The following CDK15 variants were observed in gnomAD, a reference collection of about 807,000 sequenced individuals.
The protein encoded by CDK15 is cyclin dependent kinase 15.
A neutral mutation model predicts 60.3 loss-of-function variants in CDK15; 62 were observed. That is an observed-to-expected ratio of 1.03 (90% confidence interval 0.84 to 1.27). The LOEUF is 1.27. Among genes scored for constraint, CDK15 ranks in the 50% most tolerant of loss-of-function variants. The probability of loss-of-function intolerance (pLI) is 0.00; values close to 1 mark genes in which losing one functional copy is unlikely to be tolerated. For synonymous variants in CDK15, 194 were observed against 195.7 expected (o/e 0.99, Z 0.07); for missense variants, 541 against 527.8 (o/e 1.03, Z -0.25).
chr2:201,848,279 C>T (rs898997377), intron 9 of CDK15, among the ~76,000 whole-genome samples: 28 of 152,064 alleles, frequency 1.8e-4, no homozygotes, highest in African/African-American at 5.8e-4. Flanking sequence ...TTATCCCTAC[C>T]GCAGTTGCCT....
intron 12 of CDK15, among the ~76,000 whole-genome samples, chr2:201,883,896 C>G (rs1001532007): frequency 3.3e-5 from 5 of 152,194 alleles, no homozygotes; most frequent in Non-Finnish European, 7.3e-5. Context: ...TCTCTTTGCC[C>G]TCAGCATGAA....
At chr2:201,809,628 A>G (rs929382811) in intron 3 of CDK15, among the ~76,000 whole-genome samples, 20 of 152,200 alleles carry the variant, frequency 1.3e-4, no homozygotes, top group African/African-American at 4.6e-4. Flanking sequence ...AATTATTGAC[A>G]TCTTTGCATT....
intron 9 of CDK15, chr2:201,854,660 G>T: frequency 1.8e-6 from 1 of 553,502 alleles, no homozygotes. Flanking sequence ...GCAGGCCCCG[G>T]ACCATAGGAA....
chr2:201,824,495 C>T (rs1276043022), intron 6 of CDK15: 2 of 206,472 alleles, frequency 9.7e-6, no homozygotes, highest in Non-Finnish European at 2.0e-5. Flanking sequence ...GATATATGAA[C>T]TTAAATAGGC....
At chr2:201,819,627 C>A (rs1696136694) in intron 4 of CDK15, among the ~76,000 whole-genome samples, 1 of 152,112 alleles carries the variant, frequency 6.6e-6, no homozygotes, top group African/African-American at 2.4e-5. Flanking sequence ...AATAATTCAG[C>A]CAACATATGA....
intron 10 of CDK15, among the ~76,000 whole-genome samples, chr2:201,867,059 T>G (rs1478857398): frequency 6.6e-6 from 1 of 152,184 alleles, no homozygotes; most frequent in Non-Finnish European, 1.5e-5. Context: ...TCTGGCAGAA[T>G]TTACGAGAAC....
intron 10 of CDK15, among the ~76,000 whole-genome samples, chr2:201,860,415 C>T (rs1306205879): frequency 6.6e-6 from 1 of 152,208 alleles, no homozygotes; most frequent in East Asian, 1.9e-4. Flanking sequence ...ATTCCTGTCT[C>T]TTTGATGCTT....
At chr2:201,857,158 G>T (rs1393211480) in intron 10 of CDK15, among the ~76,000 whole-genome samples, 1 of 42,508 alleles carries the variant, frequency 2.4e-5, no homozygotes. Context: ...CCCGGGAAGC[G>T]GAGCTTGCAG....
At chr2:201,809,237 G>A (rs1444739269) in intron 3 of CDK15, among the ~76,000 whole-genome samples, 1 of 152,166 alleles carries the variant, frequency 6.6e-6, no homozygotes, top group Non-Finnish European at 1.5e-5. Context: ...GGGCACCATG[G>A]ACACTTCTGA....
intron 10 of CDK15, chr2:201,861,517 A>G (rs867931079): frequency 6.1e-5 from 60 of 983,720 alleles, no homozygotes; most frequent in Non-Finnish European, 6.9e-5. Flanking sequence ...TAGGTACTCA[A>G]TAAAAGTTCC....
intron 8 of CDK15, among the ~76,000 whole-genome samples, chr2:201,845,845 AAGAGAGAG>A (rs71407901): frequency 2.2e-5 from 2 of 92,068 alleles, no homozygotes; most frequent in African/African-American, 1.2e-4. Context: ...AAAAAAAAAA[AAGAGAGAG>A]AGAGAGAGAG....
chr2:201,829,301 G>A (rs1429166611), intron 6 of CDK15, among the ~76,000 whole-genome samples: 4 of 152,028 alleles, frequency 2.6e-5, no homozygotes, highest in African/African-American at 7.3e-5. Context: ...CTGAATGCTG[G>A]TGTCTGTTAA....
intron 8 of CDK15, among the ~76,000 whole-genome samples, chr2:201,838,523 G>A (rs927165932): frequency 6.6e-6 from 1 of 151,802 alleles, no homozygotes; most frequent in Non-Finnish European, 1.5e-5. Flanking sequence ...TCCTGCCTCA[G>A]CCTCCTGAGT....
intron 10 of CDK15, among the ~76,000 whole-genome samples, chr2:201,867,312 A>G (rs1016239274): frequency 6.6e-6 from 1 of 152,102 alleles, no homozygotes; most frequent in Non-Finnish European, 1.5e-5. Context: ...CTCGCTGGAA[A>G]ATTCTGGAGA....
chr2:201,878,802 C>T (rs1699173089), intron 11 of CDK15, among the ~76,000 whole-genome samples: 1 of 152,236 alleles, frequency 6.6e-6, no homozygotes, highest in Non-Finnish European at 1.5e-5. Flanking sequence ...CTCACTGTGT[C>T]TGCACAGGGC....
At position 201,893,599 on chromosome 2, in the gene CDK15, G is replaced by A. The variant is rs1258483702; in HGVS notation, c.*332G>A. On this transcript the variant is annotated 3_prime_UTR_variant, in exon 14 of 14. Transcript: ENST00000652192. ...CATTTGTTAAGAGATTCCTGGGCTA[G>A]AAGGTTGATTTCCCAAAAAGACAGA... The A allele has an allele frequency of 6.6e-6, 1 of 152,174 alleles. No individual in the cohort carries two copies. 9.4% of individuals were successfully genotyped at this position (152,174 alleles called of 1,614,324 possible). A position where few individuals can be genotyped will look rare whatever the true frequency, so the allele number is the denominator to read the frequency against.
rs1473768964 is a variant in CDK15, at chr2:201,857,174, C to T, written c.1009+2237C>T. Among the ~76,000 whole-genome samples, 2 of 38,140 alleles carry T rather than the reference C, an allele frequency of 5.2e-5. 1 individual carries two copies. The highest frequency in any genetic ancestry group is 8.3e-5 in the Non-Finnish European group (2 of 24,030). The allele number at this position is 38,140 out of a possible 152,430, so 25.0% of individuals were successfully genotyped here. Reference sequence around the variant, plus strand: ...CCGGGAAGCGGAGCTTGCAGTGAGCCGAGATTGCGCCACTGCAGTCCGCAG... The same window carrying T: ...CCGGGAAGCGGAGCTTGCAGTGAGCTGAGATTGCGCCACTGCAGTCCGCAG... On this transcript the variant is annotated intron_variant, in intron 10 of 13. Transcript: ENST00000652192.
intron 10 of CDK15, chr2:201,860,741 G>A (rs1354959957): frequency 1.5e-6 from 2 of 1,352,046 alleles, no homozygotes; most frequent in Non-Finnish European, 2.0e-6. Context: ...TGACCACCAG[G>A]TGGAAGCAAG....
intron 10 of CDK15, among the ~76,000 whole-genome samples, chr2:201,869,557 G>GA (rs1179677621): frequency 2.7e-5 from 4 of 150,176 alleles, no homozygotes; most frequent in Non-Finnish European, 5.9e-5. Flanking sequence ...AAAAAAATCA[G>GA]AAAAAAAAAG....
Sources: allele counts gnomAD v4.1 joint callset (sites outside exome capture counted in the v4.1 genomes callset), GRCh38; gene constraint gnomAD v4.1.1; transcripts MANE v1.5; gene names NCBI Gene and HGNC (gene_info 2026-07-23, HGNC 2026-07-21).